The following FSTL4 variants were observed in gnomAD, a reference collection of about 807,000 sequenced individuals.
FSTL4 encodes the protein follistatin-related protein 4.
FSTL4 carries 28 observed loss-of-function variants against 78.2 expected under a neutral mutation model. The ratio of observed to expected loss-of-function variants is 0.36; its 90% CI spans 0.27 to 0.49. The LOEUF is 0.49. Among genes scored for constraint, FSTL4 ranks in the 20% least tolerant of loss-of-function variants. The probability of loss-of-function intolerance (pLI) is 0.98; values close to 1 mark genes in which losing one functional copy is unlikely to be tolerated. For missense variants in FSTL4, 922 were observed against 1,084.9 expected, an observed-to-expected ratio of 0.85 and a Z score of 2.11; for synonymous variants, 422 against 440.5, an observed-to-expected ratio of 0.96 and a Z score of 0.53.
chr5:133,667,705 C>A, the FSTL4 span, among the ~76,000 whole-genome samples: 1 of 152,168 alleles, frequency 6.6e-6, no homozygotes, highest in African/African-American at 2.4e-5. Context: ...TGGCAACATC[C>A]TCACTCCTAG....
At chr5:133,682,642 G>C in the FSTL4 span, among the ~76,000 whole-genome samples, 1 of 152,242 alleles carries the variant, frequency 6.6e-6, no homozygotes, top group Non-Finnish European at 1.5e-5. Context: ...CTGCAGCCAT[G>C]TGACTGGGAG....
intron 6 of FSTL4, among the ~76,000 whole-genome samples, chr5:133,253,253 T>C (rs966648414): frequency 2.0e-5 from 3 of 152,110 alleles, no homozygotes; most frequent in Non-Finnish European, 4.4e-5. Flanking sequence ...CTTCCCAGGG[T>C]GACTTCCAGG....
chr5:133,402,784 C>T (rs1244173958), intron 3 of FSTL4, among the ~76,000 whole-genome samples: 3 of 152,146 alleles, frequency 2.0e-5, no homozygotes, highest in Non-Finnish European at 4.4e-5. Context: ...ACTAGAAGGT[C>T]AAATATCTCT....
intron 6 of FSTL4, among the ~76,000 whole-genome samples, chr5:133,290,583 T>C (rs1420093786): frequency 6.6e-6 from 1 of 152,242 alleles, no homozygotes; most frequent in African/African-American, 2.4e-5. Flanking sequence ...CATGGCTATC[T>C]GAAGCCCCTG....
At chr5:133,471,902 T>A (rs1194550685) in intron 3 of FSTL4, among the ~76,000 whole-genome samples, 1 of 152,170 alleles carries the variant, frequency 6.6e-6, no homozygotes, top group African/African-American at 2.4e-5. Flanking sequence ...GAGGGGGCCA[T>A]TCCACTAGGT....
In FSTL4 at chr5:133,361,615, A is replaced by C. The variant is rs922656254; in HGVS notation, c.409+39123T>G. 6.6e-6 allele frequency among the ~76,000 whole-genome samples: 1 copy of C among 152,196 alleles called. No homozygotes were observed. The highest frequency in any genetic ancestry group is 1.5e-5 in the Non-Finnish European group (1 of 68,030). On this transcript the variant is annotated intron_variant, in intron 4 of 15. Transcript: ENST00000265342. This position sits in a 1 kb window ranked among gnomAD's most constrained non-coding sequence, Gnocchi z 4.3. ...CAAAAATTTCCCTAAAAATTTTGAG[A>C]CTGGGAATGTATAGCCATGAGGAAA...
At position 133,264,040 on chromosome 5, in the gene FSTL4, A is replaced by G. The variant is rs556363151; in HGVS notation, c.728-14464T>C. Among the ~76,000 whole-genome samples, 9 of 152,236 alleles carry G rather than the reference A, an allele frequency of 5.9e-5. No individual in the cohort carries two copies. In the South Asian group the frequency reaches 1.9e-3, roughly 32 times the overall value. On this transcript the variant is annotated intron_variant, in intron 6 of 15. Coordinates refer to ENST00000265342, the MANE Select transcript of FSTL4 (RefSeq NM_015082.2). Reference sequence around the variant, plus strand: ...CAAACAAAGTGAGTTTTCTCAAGAGACATTTGGTAATGCCTGGAGGTATTT... The same window carrying G: ...CAAACAAAGTGAGTTTTCTCAAGAGGCATTTGGTAATGCCTGGAGGTATTT...
At chr5:133,223,349 G>T (rs540719833) in intron 11 of FSTL4, among the ~76,000 whole-genome samples, 3 of 152,352 alleles carry the variant, frequency 2.0e-5, no homozygotes, top group Admixed American at 6.5e-5. Flanking sequence ...ATGCCAGACT[G>T]CAGGTAACAC....
intron 3 of FSTL4, among the ~76,000 whole-genome samples, chr5:133,517,761 T>C (rs1159767319): frequency 6.6e-6 from 1 of 151,432 alleles, no homozygotes; most frequent in Non-Finnish European, 1.5e-5. Context: ...GAGTTGATGT[T>C]ACCACTCAAG....
the FSTL4 span, among the ~76,000 whole-genome samples, chr5:133,779,219 C>T: frequency 7.3e-4 from 111 of 152,284 alleles, no homozygotes; most frequent in Non-Finnish European, 1.2e-3. Context: ...GGGTGACTCC[C>T]GCAGCCTCCT....
intron 6 of FSTL4, among the ~76,000 whole-genome samples, chr5:133,257,759 C>T (rs1479761197): frequency 1.3e-5 from 2 of 152,098 alleles, no homozygotes; most frequent in Admixed American, 1.3e-4. Context: ...CTTCCACCTC[C>T]GCTGGTTCCT....
intron 3 of FSTL4, among the ~76,000 whole-genome samples, chr5:133,506,177 G>A (rs533966493): frequency 2.6e-5 from 4 of 152,276 alleles, no homozygotes; most frequent in Admixed American, 2.6e-4. Flanking sequence ...CAATTCATTT[G>A]ATTGTCCAGG....
the FSTL4 span, among the ~76,000 whole-genome samples, chr5:133,771,841 AC>A: frequency 6.6e-6 from 1 of 152,328 alleles, no homozygotes; most frequent in African/African-American, 2.4e-5. Flanking sequence ...GATCAGATGA[AC>A]CTGCAAACAA....
At chr5:133,624,854 G>T in the FSTL4 span, among the ~76,000 whole-genome samples, 3 of 151,278 alleles carry the variant, frequency 2.0e-5, no homozygotes, top group African/African-American at 7.3e-5. Flanking sequence ...TAATTTTGGT[G>T]GGAATTTTGT....
At chr5:133,684,129 C>T in the FSTL4 span, among the ~76,000 whole-genome samples, 1 of 152,172 alleles carries the variant, frequency 6.6e-6, no homozygotes, top group African/African-American at 2.4e-5. Flanking sequence ...TGCTACTGCT[C>T]GGGCATTAAA....
At chr5:133,791,325 C>T in the FSTL4 span, among the ~76,000 whole-genome samples, 3 of 152,006 alleles carry the variant, frequency 2.0e-5, no homozygotes, top group East Asian at 5.8e-4. Flanking sequence ...CCTATCTCAT[C>T]CTACTCATTC....
At chr5:133,390,844 T>TGGGGGG (rs1755831379) in intron 4 of FSTL4, among the ~76,000 whole-genome samples, 1 of 152,028 alleles carries the variant, frequency 6.6e-6, no homozygotes, top group African/African-American at 2.4e-5. Context: ...TGGCCCAAAC[T>TGGGGGG]GGGTCACTGC....
chr5:133,340,213 G>A (rs1459753081), intron 4 of FSTL4, among the ~76,000 whole-genome samples: 2 of 152,184 alleles, frequency 1.3e-5, no homozygotes, highest in African/African-American at 4.8e-5. Flanking sequence ...TAGGAGTCAA[G>A]GCCCAGAATG....
chr5:133,345,996 T>C (rs2126922093), intron 4 of FSTL4, among the ~76,000 whole-genome samples: 1 of 152,322 alleles, frequency 6.6e-6, no homozygotes, highest in Middle Eastern at 3.4e-3. Flanking sequence ...CCAATCCAAA[T>C]GCCCATCAAC....
Sources: gnomAD v4.1 joint callset for allele counts (sites outside exome capture counted in the v4.1 genomes callset) on GRCh38, gnomAD v4.1.1 for gene constraint, Gnocchi (gnomAD v3.1) non-coding constraint, MANE v1.5 for transcripts, NCBI Gene and HGNC (gene_info 2026-07-23, HGNC 2026-07-21) for gene names.